The following LSP1 variants were observed in gnomAD, a reference collection of about 807,000 sequenced individuals.
LSP1 encodes the protein lymphocyte-specific protein 1.
In LSP1, 32 loss-of-function variants were observed where a neutral mutation model predicts 49.3. The observed-to-expected ratio is 0.65, with a 90% confidence interval of 0.49 to 0.87. The LOEUF is 0.87. LSP1 is among the 40% of genes least tolerant of loss of function. The pLI, the probability that LSP1 is intolerant of heterozygous loss-of-function variation, is 0.00. For synonymous variants in LSP1, 179 were observed against 178.8 expected, an observed-to-expected ratio of 1.00 and a Z score of -0.01; for missense variants, 428 against 442.6, an observed-to-expected ratio of 0.97 and a Z score of 0.30.
At chr11:1,853,273 G>C in intron 1 of LSP1, 76 bp downstream of exon 1, 2 of 1,467,098 alleles carry the variant, frequency 1.4e-6, no homozygotes, top group South Asian at 2.6e-5. Flanking sequence ...ATGGAGGGTG[G>C]AGAACTGAGG....
intron 1 of LSP1, chr11:1,866,644 A>C: frequency 6.5e-7 from 1 of 1,549,848 alleles, no homozygotes; most frequent in Non-Finnish European, 8.7e-7. Context: ...TCTGCTGGTC[A>C]GACCTCCCTC....
intron 7 of LSP1, among the ~76,000 whole-genome samples, chr11:1,885,726 A>G (rs1237680563): frequency 1.3e-5 from 2 of 151,340 alleles, no homozygotes; most frequent in Non-Finnish European, 2.9e-5. Flanking sequence ...CCCTCCATCC[A>G]CCCAGTACTC....
At chr11:1,855,347 T>C (rs573128604) in intron 1 of LSP1, among the ~76,000 whole-genome samples, 1 of 152,018 alleles carries the variant, frequency 6.6e-6, no homozygotes, top group Non-Finnish European at 1.5e-5. Flanking sequence ...GCTGGAGCAG[T>C]GGACAAGACA....
At chr11:1,864,421 C>T (rs377003339) in intron 1 of LSP1, 6 of 159,600 alleles carry the variant, frequency 3.8e-5, no homozygotes, top group African/African-American at 1.1e-4. Flanking sequence ...GACCGAGAAG[C>T]GGGCAGCGGC....
chr11:1,880,180 G>A lies in LSP1; in HGVS notation c.147G>A (p.Glu49=), dbSNP rs141540340. ...ERDRQLQAQD[E]EGGGHVPERP... ...ACAGGCAGCTTCAGGCCCAGGACGAGGAGGGAGGCGGCCATGTCCCCGAGC... is the reference window on the plus strand; with the variant it reads ...ACAGGCAGCTTCAGGCCCAGGACGAAGAGGGAGGCGGCCATGTCCCCGAGC... Residue 49 remains glutamate (E), a synonymous_variant, in exon 2 of 11, where the codon GAG becomes GAA. Coordinates refer to ENST00000311604, the MANE Select transcript of LSP1 (RefSeq NM_002339.3). 1.1e-4 allele frequency: 180 copies of A among 1,604,038 alleles called. No homozygotes were observed. In the African/African-American group the frequency reaches 2.2e-3, roughly 20 times the overall value.
At chr11:1,887,823 G>A (rs1243215464) in intron 10 of LSP1, among the ~76,000 whole-genome samples, 1 of 152,160 alleles carries the variant, frequency 6.6e-6, no homozygotes, top group Non-Finnish European at 1.5e-5. Flanking sequence ...CTCCACTAGG[G>A]AAGCTCAAGG....
Position 1,881,427 on chromosome 11 carries a change from C to T in LSP1, c.192-5C>T. ...CAGGCCTAAGCTCCCCCCTGCTACCCTCAGCCTCAGCCTGAAGCCCTCGGA... is the reference window on the plus strand; with the variant it reads ...CAGGCCTAAGCTCCCCCCTGCTACCTTCAGCCTCAGCCTGAAGCCCTCGGA... On this transcript the variant is annotated splice_polypyrimidine_tract_variant and splice_region_variant and intron_variant, in intron 2 of 10. Coordinates refer to ENST00000311604, the MANE Select transcript of LSP1 (RefSeq NM_002339.3). The T allele has an allele frequency of 6.4e-7, 1 of 1,564,690 alleles. No homozygotes were observed. The highest frequency in any genetic ancestry group is 8.7e-7 in the Non-Finnish European group (1 of 1,154,096).
intron 10 of LSP1, chr11:1,889,306 G>T: frequency 1.4e-6 from 1 of 706,120 alleles, no homozygotes; most frequent in Non-Finnish European, 2.6e-6. Context: ...AGGCTGGCTG[G>T]GGTGTGCTCC....
chr11:1,876,029 A>C (rs1056112672), intron 1 of LSP1, among the ~76,000 whole-genome samples: 5 of 152,182 alleles, frequency 3.3e-5, no homozygotes, highest in African/African-American at 1.2e-4. Context: ...GCAGTGCCCC[A>C]GCTGTGGGTG....
chr11:1,891,010 G>A (rs1452866596), intron 10 of LSP1: 2 of 167,062 alleles, frequency 1.2e-5, no homozygotes, highest in Admixed American at 1.1e-4. Flanking sequence ...CCAAGCCCAG[G>A]GCTGGAAGAG....
At chr11:1,882,662 C>T (rs111868651) in intron 3 of LSP1, among the ~76,000 whole-genome samples, 1 of 152,120 alleles carries the variant, frequency 6.6e-6, no homozygotes, top group Non-Finnish European at 1.5e-5. Flanking sequence ...GCTCTGCGGC[C>T]GCCACCCCAC....
Position 1,884,313 on chromosome 11 carries a change from A to G in LSP1, c.625A>G (p.Ile209Val). 1.2e-6 allele frequency: 2 copies of G among 1,614,094 alleles called. No individual in the cohort carries two copies. Among genetic ancestry groups the G allele is most frequent in the Non-Finnish European group, 1.7e-6 (2 of 1,179,990 alleles). The change falls in exon 6 of 11, where the codon ATA becomes GTA. Residue 209 changes from isoleucine to valine, a missense_variant. By Grantham distance (29) the Ile-to-Val change is conservative. Coordinates refer to ENST00000311604, the MANE Select transcript of LSP1 (RefSeq NM_002339.3). The surrounding 1 kb of genome is among the most constrained non-coding windows in gnomAD (Gnocchi z 4.1). Reference sequence around the variant, plus strand: ...CAGGACCGAGTCCCTAAACCGCTCCATAGAGAAGAGGTCTGTCTGTCTGTC... The same window carrying G: ...CAGGACCGAGTCCCTAAACCGCTCCGTAGAGAAGAGGTCTGTCTGTCTGTC... ...IDRTESLNRSIEKSNSVKKSQ... is the reference protein window; with the variant it reads ...IDRTESLNRSVEKSNSVKKSQ...
chr11:1,866,412 G>T, intron 1 of LSP1: 1 of 1,414,968 alleles, frequency 7.1e-7, no homozygotes, highest in Non-Finnish European at 9.4e-7. Context: ...GAGGAGTTGA[G>T]GGCAGCCCGG....
At chr11:1,866,435 C>A in intron 1 of LSP1, 1 of 1,450,766 alleles carries the variant, frequency 6.9e-7, no homozygotes, top group South Asian at 1.5e-5. Flanking sequence ...CACCCCTCCT[C>A]CCCAGCTCCC....
intron 1 of LSP1, among the ~76,000 whole-genome samples, chr11:1,856,468 A>G (rs1847492525): frequency 6.6e-6 from 1 of 152,166 alleles, no homozygotes; most frequent in South Asian, 2.1e-4. Context: ...CCGCGGTGGG[A>G]GGCCGCTGCC....
intron 1 of LSP1, among the ~76,000 whole-genome samples, chr11:1,861,311 C>T (rs1428079302): frequency 1.3e-5 from 2 of 152,198 alleles, no homozygotes. Flanking sequence ...CATCATCTGA[C>T]CTTTATTTAT....
At chr11:1,856,768 C>T (rs2133053756) in intron 1 of LSP1, among the ~76,000 whole-genome samples, 1 of 152,366 alleles carries the variant, frequency 6.6e-6, no homozygotes, top group South Asian at 2.1e-4. Context: ...CCTTGGGCAG[C>T]CCTCCCGCCC....
In LSP1 at chr11:1,878,795, C is replaced by T. The variant is rs525868; in HGVS notation, c.54-1292C>T. 0.014 allele frequency among the ~76,000 whole-genome samples: 2,083 copies of T among 152,172 alleles called. 139 individuals carry two copies. In the East Asian group the frequency reaches 0.2, roughly 14 times the overall value. ...CTCCCTGGGTCTGGGATAATAAGCC[C>T]TGTAGGAGTGTAGAGACCCTGGACC... On this transcript the variant is annotated intron_variant, in intron 1 of 10. Coordinates refer to ENST00000311604, the MANE Select transcript of LSP1 (RefSeq NM_002339.3).
Position 1,866,885 on chromosome 11 carries a change from C to T in LSP1, c.54-13202C>T, listed in dbSNP as rs760832905. 50 of 1,530,782 alleles carry T rather than the reference C, an allele frequency of 3.3e-5. No homozygotes were observed. In the Middle Eastern group the frequency reaches 5.1e-4, roughly 15 times the overall value. The allele number at this position is 1,530,782 out of a possible 1,614,324, so 94.8% of individuals were successfully genotyped here. A position where few individuals can be genotyped will look rare whatever the true frequency, so the allele number is the denominator to read the frequency against. On this transcript the variant is annotated intron_variant, in intron 1 of 10. Coordinates refer to ENST00000311604, the MANE Select transcript of LSP1 (RefSeq NM_002339.3). ...GGCTCGGCCATGAGCATCCGTCCAG[C>T]GGGCCCAGCACCAACTGCAGCCCCA... is the stretch of plus-strand genomic sequence containing the variant.
Sources: gnomAD v4.1 joint callset for allele counts (sites outside exome capture counted in the v4.1 genomes callset) on GRCh38, gnomAD v4.1.1 for gene constraint, Gnocchi (gnomAD v3.1) non-coding constraint, MANE v1.5 for transcripts, NCBI Gene and HGNC (gene_info 2026-07-23, HGNC 2026-07-21) for gene names.